Variants in EPHA6 observed in about 807,000 individuals in gnomAD.
EPHA6 encodes the protein ephrin type-A receptor 6.
EPHA6 carries 50 observed loss-of-function variants against 112.0 expected under a neutral mutation model. The ratio of observed to expected loss-of-function variants is 0.45; its 90% CI spans 0.36 to 0.56. The LOEUF (loss-of-function observed/expected upper bound fraction) is 0.56. EPHA6 is among the 20% of genes least tolerant of loss of function. EPHA6 has a pLI of 0.00. For missense variants in EPHA6, 1,280 were observed against 1,417.4 expected, an observed-to-expected ratio of 0.90 and a Z score of 1.56; for synonymous variants, 529 against 490.7, an observed-to-expected ratio of 1.08 and a Z score of -1.03.
intron 10 of EPHA6, among the ~76,000 whole-genome samples, chr3:97,513,567 C>T (rs1577631881): frequency 6.6e-6 from 1 of 151,892 alleles, no homozygotes; most frequent in Non-Finnish European, 1.5e-5. Flanking sequence ...GTGAAATAAG[C>T]CAAGCACAGA....
At chr3:97,577,793 TTTTTTG>T (rs759770821) in intron 11 of EPHA6, among the ~76,000 whole-genome samples, 3 of 152,102 alleles carry the variant, frequency 2.0e-5, no homozygotes, top group African/African-American at 7.2e-5. Context: ...TCTTTTCCGG[TTTTTTG>T]TTTTTGTTTT....
At chr3:96,913,750 T>A (rs1390967446) in intron 2 of EPHA6, among the ~76,000 whole-genome samples, 1 of 152,138 alleles carries the variant, frequency 6.6e-6, no homozygotes, top group Non-Finnish European at 1.5e-5. Flanking sequence ...TCTATAGGGA[T>A]CTAAGCACCA....
At chr3:97,677,822 A>G (rs2031530508) in intron 14 of EPHA6, among the ~76,000 whole-genome samples, 1 of 151,962 alleles carries the variant, frequency 6.6e-6, no homozygotes. Flanking sequence ...CAAGGTCCAG[A>G]GTATAACCAT....
chr3:97,487,870 G>T (rs772406800), intron 10 of EPHA6, among the ~76,000 whole-genome samples: 51 of 152,270 alleles, frequency 3.3e-4, no homozygotes, highest in Non-Finnish European at 6.2e-4. Context: ...GTGGACAGAG[G>T]ACTGTAAAAC....
intron 11 of EPHA6, among the ~76,000 whole-genome samples, chr3:97,569,722 T>G (rs969152229): frequency 1.3e-5 from 2 of 152,252 alleles, no homozygotes; most frequent in Non-Finnish European, 2.9e-5. Context: ...GGATTCTTAT[T>G]CTTTGTGTCT....
At chr3:96,964,460 A>G (rs920865165) in intron 2 of EPHA6, among the ~76,000 whole-genome samples, 11 of 152,200 alleles carry the variant, frequency 7.2e-5, no homozygotes, top group Admixed American at 7.2e-4. Flanking sequence ...TTATTAAACA[A>G]TGTGAATTGT....
chr3:97,641,801 T>C (rs984999927), intron 14 of EPHA6, among the ~76,000 whole-genome samples: 23 of 151,688 alleles, frequency 1.5e-4, no homozygotes, highest in African/African-American at 4.6e-4. Context: ...GCCCACGGAG[T>C]CTCGCTGATT....
chr3:97,646,418 T>G (rs1201364443), intron 14 of EPHA6: 2 of 794,782 alleles, frequency 2.5e-6, no homozygotes, highest in African/African-American at 3.6e-5. Flanking sequence ...GATTTACACC[T>G]AAATATAAGT....
At chr3:97,748,487 G>A in intron 17 of EPHA6, 100 bp from the exon 18 acceptor site, 1 of 684,238 alleles carries the variant, frequency 1.5e-6, no homozygotes, top group Non-Finnish European at 2.7e-6. Flanking sequence ...TATCTTGCAT[G>A]CTTATTAGAT....
At chr3:97,586,498 C>A (rs2093489482) in intron 11 of EPHA6, among the ~76,000 whole-genome samples, 1 of 151,668 alleles carries the variant, frequency 6.6e-6, no homozygotes, top group South Asian at 2.1e-4. Context: ...GGTCTTACTT[C>A]TGTTAGTGAA....
At chr3:97,678,322 A>C (rs951658264) in intron 14 of EPHA6, among the ~76,000 whole-genome samples, 6 of 152,146 alleles carry the variant, frequency 3.9e-5, no homozygotes, top group African/African-American at 1.4e-4. Flanking sequence ...GTTAACAGTA[A>C]GTTGAACAAA....
Position 97,720,396 on chromosome 3 carries a change from A to G in EPHA6, c.2920A>G (p.Met974Val), listed in dbSNP as rs766542736. The G allele has an allele frequency of 5.0e-6, 8 of 1,599,180 alleles. No individual in the cohort carries two copies. The highest frequency in any genetic ancestry group is 6.8e-6 in the Non-Finnish European group (8 of 1,174,058). Residue 974 changes from methionine (M) to valine (V), a missense_variant, in exon 15 of 18, where the codon ATG becomes GTG. Met to Val is a conservative substitution (Grantham distance 21). Transcript: ENST00000389672. ...MSYGERPYWE[M>V]SNQDVILSIE... is the part of the protein sequence containing the mutation. ...CTATGGAGAGAGACCTTATTGGGAA[A>G]TGTCTAACCAAGATGTAAGTGCTAC...
intron 3 of EPHA6, among the ~76,000 whole-genome samples, chr3:97,000,369 T>A (rs553308194): frequency 4.0e-5 from 6 of 150,308 alleles, no homozygotes; most frequent in East Asian, 3.9e-4. Flanking sequence ...TTTATATATT[T>A]TATATATATA....
At chr3:97,687,369 A>G (rs866200874) in intron 14 of EPHA6, among the ~76,000 whole-genome samples, 2 of 152,306 alleles carry the variant, frequency 1.3e-5, no homozygotes, top group East Asian at 1.9e-4. Flanking sequence ...ATTTTTTAAC[A>G]TACTATTGGA....
chr3:97,454,797 A>C (rs1577459551), intron 7 of EPHA6, among the ~76,000 whole-genome samples: 1 of 152,066 alleles, frequency 6.6e-6, no homozygotes, highest in East Asian at 1.9e-4. Context: ...TAGCCACATC[A>C]TTATTAACAC....
In EPHA6 at chr3:97,097,440, T is replaced by A. The variant is rs143057825; in HGVS notation, c.1114+109447T>A. Among the ~76,000 whole-genome samples, 25 of 151,822 alleles carry A rather than the reference T, an allele frequency of 1.6e-4. No individual in the cohort carries two copies. In the East Asian group the frequency reaches 4.5e-3, roughly 27 times the overall value. On this transcript the variant is annotated intron_variant, in intron 3 of 17. Coordinates refer to ENST00000389672, the MANE Select transcript of EPHA6 (RefSeq NM_001080448.3). The stretch of plus-strand genomic sequence containing the variant: ...AAACAAAACAAAACAAAACACAAGG[T>A]TTTACATTGAAAGCATTGAATTTTT...
At chr3:97,299,046 T>G (rs939347067) in intron 5 of EPHA6, among the ~76,000 whole-genome samples, 8 of 152,208 alleles carry the variant, frequency 5.3e-5, no homozygotes, top group Non-Finnish European at 1.0e-4. Context: ...ACACTGCCAG[T>G]TGATGATCTT....
At chr3:97,694,247 T>G (rs2107715768) in intron 14 of EPHA6, among the ~76,000 whole-genome samples, 1 of 152,044 alleles carries the variant, frequency 6.6e-6, no homozygotes, top group East Asian at 1.9e-4. Flanking sequence ...TTTCTTTTTT[T>G]TTTTTGAGAT....
rs375598403 is a variant in EPHA6, at chr3:97,405,004, C to T, written c.1607-146C>T. 253 of 834,270 alleles carry T rather than the reference C, an allele frequency of 3.0e-4. No individual in the cohort carries two copies. In the African/African-American group the frequency reaches 3.2e-3, roughly 11 times the overall value. The allele number at this position is 834,270 out of a possible 1,614,324, so 51.7% of individuals were successfully genotyped here. The stretch of plus-strand genomic sequence containing the variant: ...CTTATTTGGATCGAATAGAGCATAT[C>T]GTAAGGCTATCTTATTAATCTGCCT... On this transcript the variant is annotated intron_variant, in intron 5 of 17. Coordinates refer to ENST00000389672, the MANE Select transcript of EPHA6 (RefSeq NM_001080448.3).
Sources: gnomAD v4.1 joint callset for allele counts (sites outside exome capture counted in the v4.1 genomes callset) on GRCh38, gnomAD v4.1.1 for gene constraint, MANE v1.5 for transcripts, NCBI Gene and HGNC (gene_info 2026-07-23, HGNC 2026-07-21) for gene names.